Variants in SERPINH1 observed in about 807,000 individuals in gnomAD.
SERPINH1 encodes serpin H1.
A neutral mutation model predicts 32.3 loss-of-function variants in SERPINH1; 22 were observed. The observed-to-expected ratio is 0.68, with a 90% CI of 0.49 to 0.97. The LOEUF is 0.97. Among genes scored for constraint, SERPINH1 ranks in the 50% least tolerant of loss-of-function variants. The probability of loss-of-function intolerance (pLI) is 0.00; values close to 1 mark genes in which losing one functional copy is unlikely to be tolerated. For missense variants in SERPINH1, 543 were observed against 576.4 expected, an observed-to-expected ratio of 0.94 and a Z score of 0.59; for synonymous variants, 251 against 245.9, an observed-to-expected ratio of 1.02 and a Z score of -0.19.
intron 1 of SERPINH1, among the ~76,000 whole-genome samples, chr11:75,564,763 C>G (rs589203): frequency 6.6e-6 from 1 of 151,884 alleles, no homozygotes; most frequent in South Asian, 2.1e-4. Flanking sequence ...CTCCCCACCT[C>G]CCTCCCCTTG....
intron 1 of SERPINH1, chr11:75,563,751 C>T (rs1942023609): frequency 6.5e-6 from 1 of 152,742 alleles, no homozygotes; most frequent in Non-Finnish European, 1.5e-5. Flanking sequence ...GCATTGACCT[C>T]CCTCTGAGGC....
chr11:75,570,179 A>G (rs1017402102), intron 4 of SERPINH1, among the ~76,000 whole-genome samples: 7 of 152,134 alleles, frequency 4.6e-5, no homozygotes, highest in Non-Finnish European at 1.0e-4. Flanking sequence ...TTTTTGACTT[A>G]CCCAAAAAAG....
At position 75,566,841 on chromosome 11, in the gene SERPINH1, C is replaced by T. The variant is rs150586616; in HGVS notation, c.492C>T (p.Arg164=). The T allele has an allele frequency of 1.3e-4, 212 of 1,612,560 alleles. No individual in the cohort carries two copies. In the African/African-American group the frequency reaches 2.5e-3, roughly 19 times the overall value. Residue 164 remains arginine (R), a synonymous_variant, in exon 2 of 5, where the codon CGC becomes CGT. Coordinates refer to ENST00000358171, the MANE Select transcript of SERPINH1 (RefSeq NM_001235.5). ...GCGAGCACTCCAAGATCAACTTCCG[C>T]GACAAGCGCAGCGCGCTGCAGTCCA... ...YNCEHSKINF[R]DKRSALQSIN... is the part of the protein sequence containing the mutation.
rs777869458 is a variant in SERPINH1 at position 75,566,962 on chromosome 11, T to G, written c.613T>G (p.Phe205Val). Residue 205 changes from phenylalanine to valine, a missense_variant, in exon 2 of 5, where the codon TTC becomes GTC. By Grantham distance (50) the Phe-to-Val change is conservative. Around this residue, in one of 3 missense-constraint regions of SERPINH1, gnomAD observed 427 missense variants for 446.4 expected, o/e 0.96. Coordinates refer to ENST00000358171, the MANE Select transcript of SERPINH1 (RefSeq NM_001235.5). ...TDGALLVNAM[F>V]FKPHWDEKFH... ...CGGCGCCCTGCTAGTCAACGCCATG[T>G]TCTTCAAGCGTGAGTCGGGGGCGCG... 1 of 1,598,584 alleles carries G rather than the reference T, an allele frequency of 6.3e-7. No homozygotes were observed. Among genetic ancestry groups the G allele is most frequent in the South Asian group, 1.1e-5 (1 of 91,008 alleles).
At chr11:75,569,205 C>T (rs1942155088) in intron 4 of SERPINH1, 34 bp downstream of exon 4, 3 of 1,521,396 alleles carry the variant, frequency 2.0e-6, no homozygotes, top group South Asian at 1.2e-5. Flanking sequence ...GCCTGCAGGC[C>T]TTGGAGCCAG....
In SERPINH1 at chr11:75,566,718, G is replaced by A. The variant is rs774225813; in HGVS notation, c.369G>A (p.Ala123=). Residue 123 remains alanine, a synonymous_variant, in exon 2 of 5, where the codon GCG becomes GCA. Transcript: ENST00000358171. ...ELLRSLSNST[A]RNVTWKLGSR... is the part of the protein sequence containing the mutation. ...TGCGCTCACTCAGCAACTCCACGGC[G>A]CGCAACGTGACCTGGAAGCTGGGCA... The A allele has an allele frequency of 6.2e-7, 1 of 1,612,448 alleles. No individual in the cohort carries two copies. The highest frequency in any genetic ancestry group is 8.5e-7 in the Non-Finnish European group (1 of 1,179,598).
At position 75,571,691 on chromosome 11, in the gene SERPINH1, GA is replaced by G; in HGVS notation, c.955-89del. The G allele has an allele frequency of 3.3e-6, 4 of 1,221,406 alleles. No individual in the cohort carries two copies. The East Asian group carries it at 9.4e-5, about 29-fold the overall frequency. The allele number at this position is 1,221,406 out of a possible 1,614,324, so 75.7% of individuals were successfully genotyped here. On this transcript the variant is annotated intron_variant, in intron 4 of 4. Coordinates refer to ENST00000358171, the MANE Select transcript of SERPINH1 (RefSeq NM_001235.5). ...AGGGGGTGGTTCTCTCCTCTCTGAG[GA>G]GCGGTCAGGGTAGTATGGGGTGGAG...
Position 75,571,818 on chromosome 11 carries a change from A to C in SERPINH1, c.992A>C (p.Asp331Ala). The change falls in exon 5 of 5, where the codon GAC (aspartate) becomes GCC (alanine). Residue 331 changes from aspartate (D) to alanine (A), a missense_variant. Physicochemically the swap from Asp to Ala is moderately radical, Grantham distance 126. Transcript: ENST00000358171. ...LAGLGLTEAI[D>A]KNKADLSRMS... ...GGGCTGGGCCTGACTGAGGCCATTGACAAGAACAAGGCCGACTTGTCACGC... is the reference window on the plus strand; with the variant it reads ...GGGCTGGGCCTGACTGAGGCCATTGCCAAGAACAAGGCCGACTTGTCACGC... 6.2e-7 allele frequency: 1 copy of C among 1,614,076 alleles called. No individual in the cohort carries two copies. The highest frequency in any genetic ancestry group is 8.5e-7 in the Non-Finnish European group (1 of 1,180,040).
chr11:75,567,581 C>A (rs1942113944), intron 2 of SERPINH1, among the ~76,000 whole-genome samples: 2 of 152,200 alleles, frequency 1.3e-5, no homozygotes, highest in South Asian at 4.1e-4. Context: ...CTCGGCCTCC[C>A]AAAGTGCTGG....
intron 2 of SERPINH1, 64 bp downstream of exon 2, chr11:75,567,035 C>A: frequency 6.5e-7 from 1 of 1,533,206 alleles, no homozygotes; most frequent in Non-Finnish European, 8.8e-7. Flanking sequence ...AGAGTTAGGA[C>A]GACATTCCGT....
At chr11:75,566,180 C>A in intron 1 of SERPINH1, 136 bp from the exon 2 acceptor site, 1 of 752,122 alleles carries the variant, frequency 1.3e-6, no homozygotes, top group Non-Finnish European at 2.1e-6. Context: ...AGCTCTGAGT[C>A]AAGTCTGGGA....
intron 4 of SERPINH1, 80 bp downstream of exon 4, chr11:75,569,251 C>T: frequency 9.7e-7 from 1 of 1,034,372 alleles, no homozygotes; most frequent in East Asian, 2.6e-5. Context: ...ACCAATTCAG[C>T]AGGTCTGTCC....
chr11:75,571,182 C>G (rs531919363), intron 4 of SERPINH1, among the ~76,000 whole-genome samples: 1 of 152,144 alleles, frequency 6.6e-6, no homozygotes, highest in African/African-American at 2.4e-5. Flanking sequence ...AAGTGTCTGT[C>G]GCCCAGCTTC....
In SERPINH1 at chr11:75,566,974, G is replaced by T; in HGVS notation, c.622+3G>T. 1 of 1,594,032 alleles carries T rather than the reference G, an allele frequency of 6.3e-7. No individual in the cohort carries two copies. Among genetic ancestry groups the T allele is most frequent in the Non-Finnish European group, 8.5e-7 (1 of 1,176,104 alleles). On this transcript the variant is annotated splice_donor_region_variant and intron_variant, in intron 2 of 4. Coordinates refer to ENST00000358171, the MANE Select transcript of SERPINH1 (RefSeq NM_001235.5). ...AGTCAACGCCATGTTCTTCAAGCGTGAGTCGGGGGCGCGTTCAGGGGTCCT... is the reference window on the plus strand; with the variant it reads ...AGTCAACGCCATGTTCTTCAAGCGTTAGTCGGGGGCGCGTTCAGGGGTCCT...
At position 75,572,048 on chromosome 11, in the gene SERPINH1, C is replaced by A. The variant is rs769154335; in HGVS notation, c.1222C>A (p.Arg408=). ...GSLLFIGRLV[R]PKGDKMRDEL ...CCTGCTATTCATTGGGCGCCTGGTC[C>A]GGCCTAAGGGTGACAAGATGCGAGA... The change falls in exon 5 of 5, where the codon CGG becomes AGG. Residue 408 remains arginine (R), a synonymous_variant. Coordinates refer to ENST00000358171, the MANE Select transcript of SERPINH1 (RefSeq NM_001235.5). 1 of 1,614,124 alleles carries A rather than the reference C, an allele frequency of 6.2e-7. No individual in the cohort carries two copies. Among genetic ancestry groups the A allele is most frequent in the South Asian group, 1.1e-5 (1 of 91,076 alleles).
Position 75,566,229 on chromosome 11 carries a change from G to A in SERPINH1, c.-34-87G>A, listed in dbSNP as rs748188277. 5 of 1,225,112 alleles carry A rather than the reference G, an allele frequency of 4.1e-6. No individual in the cohort carries two copies. The African/African-American group carries it at 6.0e-5, about 15-fold the overall frequency. The allele number at this position is 1,225,112 out of a possible 1,614,324, so 75.9% of individuals were successfully genotyped here. A position where few individuals can be genotyped will look rare whatever the true frequency, so the allele number is the denominator to read the frequency against. On this transcript the variant is annotated intron_variant, in intron 1 of 4. Coordinates refer to ENST00000358171, the MANE Select transcript of SERPINH1 (RefSeq NM_001235.5). Reference sequence around the variant, plus strand: ...GGCTCTCTTGCCCCCATCTCCAGGGGACTTGTGGCAGCCAGAGAGCTGAGG... The same window carrying A: ...GGCTCTCTTGCCCCCATCTCCAGGGAACTTGTGGCAGCCAGAGAGCTGAGG...
rs1942219715 is a variant in SERPINH1, at chr11:75,572,627, A to G, written c.*544A>G. ...TCTGGGCAGACTCTGGTCAAGAAGC[A>G]TCGTGTCTGGCGTTGTGGGGATGAA... On this transcript the variant is annotated 3_prime_UTR_variant, in exon 5 of 5. Transcript: ENST00000358171. 6.0e-6 allele frequency: 1 copy of G among 167,304 alleles called. No homozygotes were observed. Among genetic ancestry groups the G allele is most frequent in the South Asian group, 1.5e-4 (1 of 6,490 alleles). The allele number at this position is 167,304 out of a possible 1,614,324, so 10.4% of individuals were successfully genotyped here.
At chr11:75,565,427 C>T (rs577308384) in intron 1 of SERPINH1, among the ~76,000 whole-genome samples, 3 of 152,290 alleles carry the variant, frequency 2.0e-5, no homozygotes, top group South Asian at 4.1e-4. Flanking sequence ...AGGAAGCCTC[C>T]TCCCCAGCCC....
rs2135551157 is a variant in SERPINH1, at chr11:75,566,443, A to G, written c.94A>G (p.Thr32Ala). ...ACCTGCAGCCGCAGCAGCTCCTGGC[A>G]CTGCGGAGAAGTTGAGCCCCAAGGC... Reference protein sequence around the residue: ...KKPAAAAAPGTAEKLSPKAAT... With the variant: ...KKPAAAAAPGAAEKLSPKAAT... The change falls in exon 2 of 5, where the codon ACT (threonine) becomes GCT (alanine). Residue 32 changes from threonine to alanine, a missense_variant. Thr to Ala is a moderately conservative substitution (Grantham distance 58, BLOSUM62 0). Coordinates refer to ENST00000358171, the MANE Select transcript of SERPINH1 (RefSeq NM_001235.5). The G allele has an allele frequency of 3.1e-6, 5 of 1,612,234 alleles. No individual in the cohort carries two copies. Among genetic ancestry groups the G allele is most frequent in the Non-Finnish European group, 4.2e-6 (5 of 1,179,768 alleles).
Sources: gnomAD v4.1 joint callset for allele counts (sites outside exome capture counted in the v4.1 genomes callset) on GRCh38, gnomAD v4.1.1 for gene constraint, gnomAD v4.1.1 regional missense constraint, MANE v1.5 for transcripts, NCBI Gene and HGNC (gene_info 2026-07-23, HGNC 2026-07-21) for gene names.